The following UBE2D3 variants were observed in gnomAD, a reference collection of about 807,000 sequenced individuals.
UBE2D3 encodes the protein ubiquitin-conjugating enzyme E2 D3.
A neutral mutation model predicts 22.8 loss-of-function variants in UBE2D3; 2 were observed. The observed-to-expected ratio is 0.09, with a 90% confidence interval of 0.04 to 0.28. The LOEUF is 0.28. Ranked by LOEUF, UBE2D3 falls within the 10% of genes least tolerant of loss-of-function variation. The pLI is 1.00. For missense variants in UBE2D3, 27 were observed against 182.5 expected, an observed-to-expected ratio of 0.15 and a Z score of 4.91; for synonymous variants, 56 against 60.4, an observed-to-expected ratio of 0.93 and a Z score of 0.34.
chr4:102,842,345 G>GTT (rs1042400820), intron 1 of UBE2D3, among the ~76,000 whole-genome samples: 2 of 151,920 alleles, frequency 1.3e-5, no homozygotes, highest in African/African-American at 2.4e-5. Flanking sequence ...GAGACCAGGA[G>GTT]TTTGAGACCA....
At chr4:102,838,831 AGAG>A (rs1213963590) in intron 1 of UBE2D3, among the ~76,000 whole-genome samples, 1 of 146,108 alleles carries the variant, frequency 6.8e-6, no homozygotes, top group African/African-American at 2.5e-5. Flanking sequence ...AAAAAAAAAA[AGAG>A]GAAAAGGAAA....
At chr4:102,806,476 C>T (rs989429555) in intron 4 of UBE2D3, among the ~76,000 whole-genome samples, 4 of 151,726 alleles carry the variant, frequency 2.6e-5, no homozygotes, top group South Asian at 2.1e-4. Context: ...CAGTAACCTA[C>T]GTGGGAAATG....
Position 102,796,312 on chromosome 4 carries a change from T to A in UBE2D3, c.*1103A>T, listed in dbSNP as rs981434503. The stretch of plus-strand genomic sequence containing the variant: ...TTTCAAAACTGCTGGGTCCCAAAAG[T>A]CCATCTATGAACTCTAGGGCTGCCA... On this transcript the variant is annotated 3_prime_UTR_variant, in exon 8 of 8. Transcript: ENST00000453744. The A allele has an allele frequency of 6.6e-6, 1 of 152,398 alleles. No individual in the cohort carries two copies. Among genetic ancestry groups the A allele is most frequent in the Non-Finnish European group, 1.5e-5 (1 of 67,908 alleles). The allele number at this position is 152,398 out of a possible 1,614,324, so 9.4% of individuals were successfully genotyped here.
intron 1 of UBE2D3, among the ~76,000 whole-genome samples, chr4:102,868,443 C>G (rs1326650447): frequency 1.3e-5 from 2 of 152,176 alleles, no homozygotes; most frequent in Non-Finnish European, 2.9e-5. Flanking sequence ...TACGAATCTT[C>G]TCTGAGTGGC....
chr4:102,824,065 G>A (rs1359444745), intron 2 of UBE2D3, among the ~76,000 whole-genome samples: 1 of 152,192 alleles, frequency 6.6e-6, no homozygotes, highest in East Asian at 1.9e-4. Context: ...GATGTGGAAT[G>A]TTTGAAAGTT....
chr4:102,798,458 C>CA (rs1725589400), intron 7 of UBE2D3, among the ~76,000 whole-genome samples: 1 of 151,454 alleles, frequency 6.6e-6, no homozygotes, highest in African/African-American at 2.4e-5. Context: ...CACTTTAAAA[C>CA]AAAGGCTTTA....
chr4:102,823,520 GTA>G (rs1206244772), intron 2 of UBE2D3, among the ~76,000 whole-genome samples: 1 of 152,192 alleles, frequency 6.6e-6, no homozygotes, highest in Non-Finnish European at 1.5e-5. Context: ...TTAACAGGGT[GTA>G]TACAATGAAA....
Position 102,823,396 on chromosome 4 carries a change from G to A in UBE2D3, c.24+3089C>T, listed in dbSNP as rs149642772. On this transcript the variant is annotated intron_variant, in intron 2 of 7. Transcript: ENST00000453744. ...GAAGTGGTGGTAGGAGGGAAACGAAGATCAAATGAGAGTTTTTTAACCCTT... is the reference window on the plus strand; with the variant it reads ...GAAGTGGTGGTAGGAGGGAAACGAAAATCAAATGAGAGTTTTTTAACCCTT... Among the ~76,000 whole-genome samples, 198 of 152,298 alleles carry A rather than the reference G, an allele frequency of 1.3e-3. 1 individual carries two copies. Among genetic ancestry groups the A allele is most frequent in the African/African-American group, 4.2e-3 (175 of 41,554 alleles).
chr4:102,819,591 CATAA>C (rs1729269900), intron 2 of UBE2D3: 18 of 985,206 alleles, frequency 1.8e-5, no homozygotes, highest in Non-Finnish European at 2.2e-5. Flanking sequence ...AGCGTAACGC[CATAA>C]ATAACTTATT....
intron 1 of UBE2D3, among the ~76,000 whole-genome samples, chr4:102,835,468 T>C (rs1415279800): frequency 1.3e-5 from 2 of 152,192 alleles, no homozygotes; most frequent in Non-Finnish European, 2.9e-5. Flanking sequence ...TGAAGTATAT[T>C]AGAGATAAAC....
chr4:102,823,338 C>A (rs887095778), intron 2 of UBE2D3, among the ~76,000 whole-genome samples: 1 of 152,042 alleles, frequency 6.6e-6, no homozygotes, highest in Non-Finnish European at 1.5e-5. Context: ...TTTTCAATTT[C>A]GAGATGGAGA....
At chr4:102,822,453 G>A (rs1729765611) in intron 2 of UBE2D3, among the ~76,000 whole-genome samples, 1 of 152,018 alleles carries the variant, frequency 6.6e-6, no homozygotes, top group East Asian at 1.9e-4. Flanking sequence ...AGTTTTCAGT[G>A]CTTGAAGAGA....
chr4:102,819,692 T>G, intron 2 of UBE2D3: 1 of 613,082 alleles, frequency 1.6e-6, no homozygotes, highest in Non-Finnish European at 2.0e-6. Context: ...TTTAAGACAG[T>G]AAAATTATCA....
At chr4:102,812,158 T>C (rs1285677825) in intron 2 of UBE2D3, 2 of 158,520 alleles carry the variant, frequency 1.3e-5, no homozygotes, top group Admixed American at 1.3e-4. Flanking sequence ...CAAGGCATAG[T>C]GGCATGTGCC....
chr4:102,827,521 A>G lies in UBE2D3; in HGVS notation c.-223T>C. On this transcript the variant is annotated 5_prime_UTR_variant, in exon 1 of 8. Coordinates refer to ENST00000453744, the MANE Select transcript of UBE2D3 (RefSeq NM_181891.3). ...GCCCTACGGGGCTCACGCGCACGAC[A>G]CAGCCACAAGATGTCCGCTCTGACG... 1 of 985,944 alleles carries G rather than the reference A, an allele frequency of 1.0e-6. No individual in the cohort carries two copies. Among genetic ancestry groups the G allele is most frequent in the South Asian group, 4.7e-5 (1 of 21,334 alleles). 61.1% of individuals were successfully genotyped at this position (985,944 alleles called of 1,614,324 possible).
At chr4:102,868,846 C>G in exon 1 of UBE2D3, 1 of 1,558,978 alleles carries the variant, frequency 6.4e-7, no homozygotes, top group Non-Finnish European at 8.8e-7. Context: ...CACGAGATTC[C>G]GAGGAGGGCC....
At chr4:102,809,360 T>C (rs536048673) in intron 4 of UBE2D3, 17 of 310,050 alleles carry the variant, frequency 5.5e-5, no homozygotes, top group South Asian at 5.2e-4. Context: ...ACTTTGTCTC[T>C]ATAAATAACA....
intron 2 of UBE2D3, among the ~76,000 whole-genome samples, chr4:102,815,882 C>A (rs1328782360): frequency 2.6e-5 from 4 of 152,134 alleles, no homozygotes; most frequent in Admixed American, 1.3e-4. Context: ...AAATGCTGTT[C>A]TTATTTCACC....
In UBE2D3 at chr4:102,797,312, T is replaced by G; in HGVS notation, c.*103A>C. 1 of 955,120 alleles carries G rather than the reference T, an allele frequency of 1.0e-6. No individual in the cohort carries two copies. Among genetic ancestry groups the G allele is most frequent in the Non-Finnish European group, 1.6e-6 (1 of 633,926 alleles). The allele number at this position is 955,120 out of a possible 1,614,324, so 59.2% of individuals were successfully genotyped here. On this transcript the variant is annotated 3_prime_UTR_variant, in exon 8 of 8. Coordinates refer to ENST00000453744, the MANE Select transcript of UBE2D3 (RefSeq NM_181891.3). The stretch of plus-strand genomic sequence containing the variant: ...AAACAAAAAATAAAATTAAAAAAGA[T>G]GAGGTCTGATAGGGGAGCAGCCGGA...
Sources: gnomAD v4.1 joint callset for allele counts (sites outside exome capture counted in the v4.1 genomes callset) on GRCh38, gnomAD v4.1.1 for gene constraint, MANE v1.5 for transcripts, NCBI Gene and HGNC (gene_info 2026-07-23, HGNC 2026-07-21) for gene names.